The following ABCB5 variants were observed in gnomAD, a reference collection of about 807,000 sequenced individuals.
ABCB5 encodes the protein ATP-binding cassette sub-family B member 5.
In ABCB5, 155 loss-of-function variants were observed where a neutral mutation model predicts 144.2. The ratio of observed to expected loss-of-function variants is 1.08; its 90% CI spans 0.94 to 1.23. The LOEUF (loss-of-function observed/expected upper bound fraction) is 1.23. Among genes scored for constraint, ABCB5 ranks in the 50% most tolerant of loss-of-function variants. ABCB5 has a pLI of 0.00. For missense variants in ABCB5, 1,830 were observed against 1,520.8 expected, an observed-to-expected ratio of 1.20 and a Z score of -3.38; for synonymous variants, 610 against 528.6, an observed-to-expected ratio of 1.15 and a Z score of -2.11.
intron 23 of ABCB5, among the ~76,000 whole-genome samples, chr7:20,738,041 C>T (rs564044675): frequency 5.3e-4 from 80 of 152,310 alleles, no homozygotes; most frequent in African/African-American, 1.9e-3. Flanking sequence ...CTTTGATAGG[C>T]CCCATTGAGG....
chr7:20,664,609 A>C (rs1445146303), intron 14 of ABCB5, among the ~76,000 whole-genome samples: 1 of 152,212 alleles, frequency 6.6e-6, no homozygotes, highest in Non-Finnish European at 1.5e-5. Context: ...CAAATAAGTG[A>C]TCTCAATGTA....
At chr7:20,655,842 A>G (rs1467336982) in intron 13 of ABCB5, among the ~76,000 whole-genome samples, 1 of 145,130 alleles carries the variant, frequency 6.9e-6, no homozygotes, top group Non-Finnish European at 1.5e-5. Context: ...CAAAAGACCA[A>G]CAATAGCCAA....
chr7:20,719,603 G>A (rs1199826858), intron 20 of ABCB5, among the ~76,000 whole-genome samples: 1 of 152,194 alleles, frequency 6.6e-6, no homozygotes, highest in Non-Finnish European at 1.5e-5. Flanking sequence ...TAGGGCTGGG[G>A]TTTGCAGCCC....
chr7:20,624,317 A>G (rs1016773148), intron 2 of ABCB5, among the ~76,000 whole-genome samples: 1 of 152,232 alleles, frequency 6.6e-6, no homozygotes, highest in African/African-American at 2.4e-5. Flanking sequence ...CTGAAGTTCA[A>G]TCACTAGCTA....
intron 9 of ABCB5, among the ~76,000 whole-genome samples, chr7:20,646,900 G>A (rs1784424958): frequency 6.6e-6 from 1 of 152,116 alleles, no homozygotes; most frequent in Non-Finnish European, 1.5e-5. Context: ...GAGCATGAAC[G>A]ATTTTTCACT....
At chr7:20,700,729 G>A (rs1440443253) in intron 19 of ABCB5, among the ~76,000 whole-genome samples, 1 of 152,168 alleles carries the variant, frequency 6.6e-6, no homozygotes, top group Non-Finnish European at 1.5e-5. Flanking sequence ...GGGGGCAAAT[G>A]GAAGGAATGT....
chr7:20,658,423 C>T, intron 13 of ABCB5, 83 bp from the exon 14 acceptor site: 1 of 1,352,652 alleles, frequency 7.4e-7, no homozygotes, highest in East Asian at 2.5e-5. Flanking sequence ...GATATTAAAA[C>T]ACAACTGGGA....
intron 14 of ABCB5, among the ~76,000 whole-genome samples, chr7:20,674,934 G>C (rs1382920819): frequency 6.6e-6 from 1 of 151,756 alleles, no homozygotes; most frequent in African/African-American, 2.4e-5. Flanking sequence ...AAAATACTTA[G>C]AAATAAACTT....
intron 26 of ABCB5, among the ~76,000 whole-genome samples, chr7:20,748,706 A>G (rs918788875): frequency 2.0e-5 from 3 of 151,122 alleles, no homozygotes; most frequent in African/African-American, 4.9e-5. Context: ...TGAGCAAATA[A>G]GTGGAGCCCA....
At chr7:20,655,487 C>A (rs1416688393) in intron 13 of ABCB5, among the ~76,000 whole-genome samples, 1 of 151,798 alleles carries the variant, frequency 6.6e-6, no homozygotes, top group Non-Finnish European at 1.5e-5. Flanking sequence ...CACCTCCCCC[C>A]AGCCCCCCAA....
chr7:20,738,182 G>C (rs1235308891), intron 23 of ABCB5, among the ~76,000 whole-genome samples: 1 of 152,180 alleles, frequency 6.6e-6, no homozygotes, highest in South Asian at 2.1e-4. Flanking sequence ...TCCAGTTTTA[G>C]CCTGATTGTG....
intron 14 of ABCB5, among the ~76,000 whole-genome samples, chr7:20,676,583 G>A (rs1014992593): frequency 6.6e-6 from 1 of 152,108 alleles, no homozygotes; most frequent in African/African-American, 2.4e-5. Context: ...TGGCTGCTAG[G>A]GAATGAGCAG....
rs182025900 is a variant in ABCB5 at position 20,712,526 on chromosome 7, A to G, written c.2421+7719A>G. On this transcript the variant is annotated intron_variant, in intron 20 of 27. Coordinates refer to ENST00000404938, the MANE Select transcript of ABCB5 (RefSeq NM_001163941.2). ...ATTCTACATATATTAGGCTGCCTGAAGTTTTACCACATCTCAGCAATGCTT... is the reference window on the plus strand; with the variant it reads ...ATTCTACATATATTAGGCTGCCTGAGGTTTTACCACATCTCAGCAATGCTT... 5.9e-4 allele frequency among the ~76,000 whole-genome samples: 88 copies of G among 149,650 alleles called. 6 individuals carry two copies. The highest frequency in any genetic ancestry group is 3.4e-3 in the Middle Eastern group (1 of 290).
At chr7:20,711,875 TCC>T (rs1562573940) in intron 20 of ABCB5, among the ~76,000 whole-genome samples, 3 of 110,776 alleles carry the variant, frequency 2.7e-5, no homozygotes, top group African/African-American at 1.1e-4. Flanking sequence ...CCTCCCTCCC[TCC>T]CTCCCTCCCT....
chr7:20,621,335 G>A lies in ABCB5; in HGVS notation c.-21-1930G>A, dbSNP rs115454604. Among the ~76,000 whole-genome samples, 791 of 152,192 alleles carry A rather than the reference G, an allele frequency of 5.2e-3. 5 individuals are homozygous for A. The highest frequency in any genetic ancestry group is 0.019 in the African/African-American group (770 of 41,564). ...GTGATGGTTATACAACATTGAGTAT[G>A]CACTTAATCCCACTGAATTGTGTAC... On this transcript the variant is annotated intron_variant, in intron 1 of 27. Coordinates refer to ENST00000404938, the MANE Select transcript of ABCB5 (RefSeq NM_001163941.2).
At chr7:20,744,167 C>T (rs1160115925) in intron 25 of ABCB5, among the ~76,000 whole-genome samples, 5 of 152,030 alleles carry the variant, frequency 3.3e-5, no homozygotes, top group African/African-American at 1.2e-4. Flanking sequence ...AGGGTTCATG[C>T]GATTCTCATG....
At position 20,728,472 on chromosome 7, in the gene ABCB5, G is replaced by A. The variant is rs1782109107; in HGVS notation, c.2867+17G>A. ...CATGTTCATGTAAGTCGTGGAAATA[G>A]TCCGGACCTGGTAGCTCACACCTGT... On this transcript the variant is annotated intron_variant, in intron 23 of 27. Transcript: ENST00000404938. The A allele has an allele frequency of 1.2e-6, 2 of 1,612,752 alleles. No individual in the cohort carries two copies. The highest frequency in any genetic ancestry group is 2.7e-5 in the African/African-American group (2 of 74,862).
chr7:20,680,668 G>A (rs1785763604), intron 14 of ABCB5, among the ~76,000 whole-genome samples: 1 of 151,998 alleles, frequency 6.6e-6, no homozygotes, highest in Non-Finnish European at 1.5e-5. Context: ...CATGATACGG[G>A]CAAATTCCGT....
intron 14 of ABCB5, among the ~76,000 whole-genome samples, chr7:20,674,900 C>T (rs1274196097): frequency 6.6e-6 from 1 of 151,810 alleles, no homozygotes; most frequent in South Asian, 2.1e-4. Context: ...TAAAACATCC[C>T]ATTTGCAACA....
Sources: gnomAD v4.1 joint callset for allele counts (sites outside exome capture counted in the v4.1 genomes callset) on GRCh38, gnomAD v4.1.1 for gene constraint, MANE v1.5 for transcripts, NCBI Gene and HGNC (gene_info 2026-07-23, HGNC 2026-07-21) for gene names.